Variants in PDE11A observed in about 807,000 individuals in gnomAD.
PDE11A encodes the protein phosphodiesterase 11A, also known as dual 3',5'-cyclic-AMP and -GMP phosphodiesterase 11A.
In PDE11A, 100 loss-of-function variants were observed where a neutral mutation model predicts 100.5. That is an observed-to-expected ratio of 1.00 (90% CI 0.85 to 1.18). The LOEUF (loss-of-function observed/expected upper bound fraction) is 1.18, where lower values mean the gene tolerates loss of function less well. Among genes scored for constraint, PDE11A ranks in the 50% most tolerant of loss-of-function variants. The pLI, the probability that PDE11A is intolerant of heterozygous loss-of-function variation, is 0.00. For synonymous variants in PDE11A, 381 were observed against 420.8 expected (o/e 0.91, Z 1.16); for missense variants, 1,141 against 1,152.6 (o/e 0.99, Z 0.15).
chr2:177,710,456 C>T (rs987796921), intron 13 of PDE11A, among the ~76,000 whole-genome samples: 2 of 152,114 alleles, frequency 1.3e-5, no homozygotes, highest in African/African-American at 4.8e-5. Context: ...GCTAGGGACA[C>T]AGAAAGACTG....
chr2:177,732,268 C>T (rs1410394806), intron 10 of PDE11A, among the ~76,000 whole-genome samples: 3 of 152,166 alleles, frequency 2.0e-5, no homozygotes, highest in Admixed American at 2.0e-4. Context: ...CCAAACAATT[C>T]TTTACTCCTA....
intron 2 of PDE11A, among the ~76,000 whole-genome samples, chr2:178,082,883 G>T (rs1183973270): frequency 6.6e-6 from 1 of 152,142 alleles, no homozygotes; most frequent in African/African-American, 2.4e-5. Flanking sequence ...TCTTAGGAGA[G>T]AGTTAGCCAG....
At chr2:177,674,585 G>C (rs1454914490) in intron 17 of PDE11A, among the ~76,000 whole-genome samples, 2 of 152,186 alleles carry the variant, frequency 1.3e-5, no homozygotes, top group Non-Finnish European at 2.9e-5. Flanking sequence ...TCAGTCTGCA[G>C]CTGAGATGCT....
rs76851896 is a variant in PDE11A, at chr2:177,734,493, C to T, written c.1789-6321G>A. 1.6e-3 allele frequency among the ~76,000 whole-genome samples: 246 copies of T among 152,096 alleles called. 1 individual carries two copies. The highest frequency in any genetic ancestry group is 5.2e-3 in the East Asian group (27 of 5,184). ...ATACACTCCAGCCTGGGTAACACAG[C>T]GAAACCCCATCTCTTAAAAAAAAGT... On this transcript the variant is annotated intron_variant, in intron 10 of 19. Transcript: ENST00000286063.
At chr2:177,958,400 ATT>A in intron 2 of PDE11A, among the ~76,000 whole-genome samples, 2 of 152,300 alleles carry the variant, frequency 1.3e-5, no homozygotes, top group South Asian at 4.2e-4. Flanking sequence ...TGTTTGTGCA[ATT>A]TTATTTAACT....
intron 5 of PDE11A, among the ~76,000 whole-genome samples, chr2:177,850,004 T>C (rs1276094486): frequency 2.0e-5 from 3 of 152,162 alleles, no homozygotes; most frequent in African/African-American, 7.2e-5. Flanking sequence ...AAGCTACCAT[T>C]GACTTTCTTC....
Position 178,036,337 on chromosome 2 carries a change from A to G in PDE11A, c.913-21877T>C, listed in dbSNP as rs551291021. On this transcript the variant is annotated intron_variant, in intron 1 of 19. Transcript: ENST00000286063. Reference sequence around the variant, plus strand: ...TAAAGGGACGTGAAGGACTTCCTCAAGGAGAACTACAAACCACTGCTCAGG... The same window carrying G: ...TAAAGGGACGTGAAGGACTTCCTCAGGGAGAACTACAAACCACTGCTCAGG... Among the ~76,000 whole-genome samples, 9 of 152,340 alleles carry G rather than the reference A, an allele frequency of 5.9e-5. No homozygotes were observed. The South Asian group carries it at 1.9e-3, about 32-fold the overall frequency.
intron 2 of PDE11A, among the ~76,000 whole-genome samples, chr2:177,925,934 G>C (rs955426314): frequency 6.6e-6 from 1 of 152,188 alleles, no homozygotes. Context: ...TCAGGACAAG[G>C]CTAGCCAACT....
At chr2:177,962,931 A>G (rs1308377134) in intron 2 of PDE11A, among the ~76,000 whole-genome samples, 1 of 152,210 alleles carries the variant, frequency 6.6e-6, no homozygotes, top group Admixed American at 6.5e-5. Context: ...TTTTTTTAAA[A>G]AATATTCTGA....
chr2:177,760,333 ACT>A (rs2082151396), intron 10 of PDE11A, among the ~76,000 whole-genome samples: 1 of 152,000 alleles, frequency 6.6e-6, no homozygotes, highest in Non-Finnish European at 1.5e-5. Context: ...TGAGATTGAG[ACT>A]CTTGTTTTAC....
intron 12 of PDE11A, among the ~76,000 whole-genome samples, chr2:177,727,187 T>G (rs537776547): frequency 2.0e-5 from 3 of 152,010 alleles, no homozygotes; most frequent in Non-Finnish European, 2.9e-5. Flanking sequence ...GTGCGCACTC[T>G]TACCCCTCTT....
At chr2:177,978,939 A>C (rs1574319365) in intron 2 of PDE11A, among the ~76,000 whole-genome samples, 1 of 107,706 alleles carries the variant, frequency 9.3e-6, no homozygotes, top group Non-Finnish European at 2.0e-5. Flanking sequence ...GGTCGGGGGG[A>C]GGGGGGAGGG....
chr2:178,062,569 T>C (rs76673584), intron 1 of PDE11A, among the ~76,000 whole-genome samples: 10,100 of 152,216 alleles, frequency 0.066, 395 homozygotes, highest in Middle Eastern at 0.14. Flanking sequence ...TGGGATAATC[T>C]TTCCCACAGT....
chr2:177,834,618 C>A (rs772230205), intron 6 of PDE11A, among the ~76,000 whole-genome samples: 1 of 152,176 alleles, frequency 6.6e-6, no homozygotes, highest in Non-Finnish European at 1.5e-5. Context: ...CAGGCACCCA[C>A]GCAGTCTTCC....
chr2:177,835,353 T>A (rs2083378333), intron 6 of PDE11A, among the ~76,000 whole-genome samples: 1 of 152,172 alleles, frequency 6.6e-6, no homozygotes, highest in South Asian at 2.1e-4. Context: ...AAATGCCTTC[T>A]TTTTCCTTTT....
intron 2 of PDE11A, among the ~76,000 whole-genome samples, chr2:177,930,430 C>CAA (rs1227971877): frequency 2.1e-5 from 3 of 139,538 alleles, no homozygotes; most frequent in African/African-American, 5.3e-5. Flanking sequence ...TAGAATAGAC[C>CAA]AAAAAAAAAA....
intron 10 of PDE11A, among the ~76,000 whole-genome samples, chr2:177,736,515 GA>G (rs1206087844): frequency 7.5e-5 from 10 of 132,776 alleles, no homozygotes; most frequent in South Asian, 2.4e-4. Flanking sequence ...CCATCTAAAA[GA>G]AAAAAAAAAG....
At chr2:178,088,101 C>T (rs918303558) in intron 2 of PDE11A, among the ~76,000 whole-genome samples, 4 of 152,182 alleles carry the variant, frequency 2.6e-5, no homozygotes, top group African/African-American at 9.7e-5. Context: ...CTCTGACTTG[C>T]CTTACTCTCA....
chr2:177,679,925 T>C (rs1480582837), intron 16 of PDE11A, among the ~76,000 whole-genome samples: 1 of 151,502 alleles, frequency 6.6e-6, no homozygotes, highest in East Asian at 1.9e-4. Context: ...GTAAAGATAA[T>C]ACAGAGGAAT....
Sources: gnomAD v4.1 joint callset for allele counts (sites outside exome capture counted in the v4.1 genomes callset) on GRCh38, gnomAD v4.1.1 for gene constraint, MANE v1.5 for transcripts, NCBI Gene and HGNC (gene_info 2026-07-23, HGNC 2026-07-21) for gene names.